Variants in PPARGC1A observed in about 807,000 individuals in gnomAD.
PPARGC1A encodes peroxisome proliferator-activated receptor gamma coactivator 1-alpha.
In PPARGC1A, 25 loss-of-function variants were observed where a neutral mutation model predicts 88.7. That is an observed-to-expected ratio of 0.28 (90% CI 0.21 to 0.39). The LOEUF (loss-of-function observed/expected upper bound fraction) is 0.39. Among genes scored for constraint, PPARGC1A ranks in the 10% least tolerant of loss-of-function variants. PPARGC1A has a pLI of 1.00. For synonymous variants in PPARGC1A, 363 were observed against 355.6 expected, an observed-to-expected ratio of 1.02 and a Z score of -0.24; for missense variants, 880 against 968.7, an observed-to-expected ratio of 0.91 and a Z score of 1.22.
the PPARGC1A span, among the ~76,000 whole-genome samples, chr4:24,077,622 G>A: frequency 1.8e-5 from 2 of 109,688 alleles, no homozygotes; most frequent in South Asian, 3.4e-4. Flanking sequence ...GATGTGTCTA[G>A]GGGTGTGTGT....
the PPARGC1A span, among the ~76,000 whole-genome samples, chr4:24,358,454 G>A: frequency 6.6e-6 from 1 of 152,150 alleles, no homozygotes; most frequent in Non-Finnish European, 1.5e-5. Context: ...CCCAGCCCAT[G>A]CTCCTAAACA....
At chr4:24,199,261 C>A in the PPARGC1A span, among the ~76,000 whole-genome samples, 2 of 152,168 alleles carry the variant, frequency 1.3e-5, no homozygotes, top group Non-Finnish European at 2.9e-5. Context: ...ATTTCCATAA[C>A]AAACATTTTC....
chr4:24,081,893 T>C, the PPARGC1A span, among the ~76,000 whole-genome samples: 1 of 152,116 alleles, frequency 6.6e-6, no homozygotes, highest in East Asian at 1.9e-4. Flanking sequence ...CTGTCAGCTC[T>C]GGGTCTATTC....
chr4:24,243,575 A>G, the PPARGC1A span, among the ~76,000 whole-genome samples: 169 of 152,308 alleles, frequency 1.1e-3, no homozygotes, highest in African/African-American at 3.8e-3. Flanking sequence ...CTCAGAAAGG[A>G]GAGTGTCATG....
At chr4:23,974,897 C>T in the PPARGC1A span, among the ~76,000 whole-genome samples, 1 of 145,298 alleles carries the variant, frequency 6.9e-6, no homozygotes, top group African/African-American at 2.5e-5. Context: ...CCTCGTGATC[C>T]GCCCACCTCG....
chr4:23,951,469 C>A, the PPARGC1A span, among the ~76,000 whole-genome samples: 2 of 152,164 alleles, frequency 1.3e-5, no homozygotes, highest in Non-Finnish European at 2.9e-5. Flanking sequence ...CCAAAGGATT[C>A]TTTCCTTTCC....
chr4:23,938,139 G>A, the PPARGC1A span, among the ~76,000 whole-genome samples: 3 of 149,248 alleles, frequency 2.0e-5, no homozygotes, highest in East Asian at 5.9e-4. Flanking sequence ...AAGTAGAAGA[G>A]TTGCATAGAG....
chr4:24,326,349 T>G, the PPARGC1A span, among the ~76,000 whole-genome samples: 1 of 152,032 alleles, frequency 6.6e-6, no homozygotes, highest in African/African-American at 2.4e-5. Context: ...GTTCAGGATC[T>G]GCGCCTTATC....
the PPARGC1A span, among the ~76,000 whole-genome samples, chr4:24,106,483 G>C: frequency 8.5e-5 from 13 of 152,148 alleles, no homozygotes. Context: ...AACAGAAAAA[G>C]GAAGCCCAGG....
chr4:24,290,402 T>C, the PPARGC1A span, among the ~76,000 whole-genome samples: 2 of 152,166 alleles, frequency 1.3e-5, no homozygotes. Context: ...TCAGTGAATA[T>C]CCTGCAAAGC....
At chr4:24,343,692 T>C in the PPARGC1A span, among the ~76,000 whole-genome samples, 1 of 152,300 alleles carries the variant, frequency 6.6e-6, no homozygotes, top group East Asian at 1.9e-4. Flanking sequence ...TGTAGGCATA[T>C]GCAAATGATT....
At chr4:23,881,578 T>C (rs1715947005) in intron 2 of PPARGC1A, among the ~76,000 whole-genome samples, 1 of 152,194 alleles carries the variant, frequency 6.6e-6, no homozygotes, top group African/African-American at 2.4e-5. Context: ...TGCCACTCTA[T>C]TATATATCCC....
At chr4:23,941,849 C>T in the PPARGC1A span, among the ~76,000 whole-genome samples, 3 of 152,188 alleles carry the variant, frequency 2.0e-5, no homozygotes, top group African/African-American at 7.2e-5. Flanking sequence ...ACTACAACCA[C>T]ATCCTAAAGA....
At chr4:24,098,491 T>C in the PPARGC1A span, among the ~76,000 whole-genome samples, 8 of 152,154 alleles carry the variant, frequency 5.3e-5, no homozygotes, top group Non-Finnish European at 1.2e-4. Flanking sequence ...AAGAACATAA[T>C]AAACCAGGAA....
the PPARGC1A span, among the ~76,000 whole-genome samples, chr4:24,444,275 C>T: frequency 3.4e-4 from 52 of 152,124 alleles, no homozygotes; most frequent in African/African-American, 1.1e-3. Flanking sequence ...TCAGGTGATC[C>T]GCCCCCATCG....
chr4:24,167,726 T>C, the PPARGC1A span, among the ~76,000 whole-genome samples: 1 of 152,154 alleles, frequency 6.6e-6, no homozygotes, highest in Non-Finnish European at 1.5e-5. Context: ...TTAGCATTTT[T>C]AGCAAGAAAG....
the PPARGC1A span, among the ~76,000 whole-genome samples, chr4:24,344,150 T>C: frequency 2.6e-5 from 4 of 152,126 alleles, no homozygotes; most frequent in Non-Finnish European, 4.4e-5. Context: ...ACTCATTGAT[T>C]GGTGGGCATT....
chr4:24,128,108 G>A, the PPARGC1A span, among the ~76,000 whole-genome samples: 1 of 152,156 alleles, frequency 6.6e-6, no homozygotes, highest in African/African-American at 2.4e-5. Context: ...GAGGGACAGA[G>A]GACGAAGGTC....
the PPARGC1A span, among the ~76,000 whole-genome samples, chr4:24,055,244 C>G: frequency 2.0e-5 from 3 of 152,332 alleles, no homozygotes; most frequent in Middle Eastern, 3.4e-3. Flanking sequence ...AGTTCTGTTT[C>G]ATGGGCTCCC....
Sources: gnomAD v4.1 joint callset for allele counts (sites outside exome capture counted in the v4.1 genomes callset) on GRCh38, gnomAD v4.1.1 for gene constraint, MANE v1.5 for transcripts, NCBI Gene and HGNC (gene_info 2026-07-23, HGNC 2026-07-21) for gene names.